The following NR2C2 variants were observed in gnomAD, a reference collection of about 807,000 sequenced individuals.
NR2C2 encodes nuclear receptor subfamily 2 group C member 2.
NR2C2 carries 6 observed loss-of-function variants against 62.9 expected under a neutral mutation model. The ratio of observed to expected loss-of-function variants is 0.10; its 90% CI spans 0.05 to 0.19. The LOEUF (loss-of-function observed/expected upper bound fraction) is 0.19. Ranked by LOEUF, NR2C2 falls within the 10% of genes least tolerant of loss-of-function variation. The probability of loss-of-function intolerance (pLI) is 1.00; values close to 1 mark genes in which losing one functional copy is unlikely to be tolerated. For missense variants in NR2C2, 479 were observed against 762.7 expected (o/e 0.63, Z 4.38); for synonymous variants, 272 against 273.8 (o/e 0.99, Z 0.07).
intron 1 of NR2C2, among the ~76,000 whole-genome samples, chr3:15,001,184 GTTAAATTTAT>G (rs1040848929): frequency 6.6e-6 from 1 of 151,738 alleles, no homozygotes; most frequent in Admixed American, 6.6e-5. Context: ...CATTTCTTTT[GTTAAATTTAT>G]TTTATTTCTA....
At position 14,968,906 on chromosome 3, in the gene NR2C2, A is replaced by G. The variant is rs574666549; in HGVS notation, c.-40+21000A>G. 3.2e-3 allele frequency among the ~76,000 whole-genome samples: 469 copies of G among 147,430 alleles called. 3 individuals carry two copies. The highest frequency in any genetic ancestry group is 0.011 in the African/African-American group (423 of 39,794). ...AAGAACAAAAAACCAAACACCGCATATTCTCACTCATAGGTGGGAATTGAA... is the reference window on the plus strand; with the variant it reads ...AAGAACAAAAAACCAAACACCGCATGTTCTCACTCATAGGTGGGAATTGAA... On this transcript the variant is annotated intron_variant, in intron 1 of 13. Transcript: ENST00000425241.
At chr3:15,010,983 T>G (rs1209323030) in intron 2 of NR2C2, among the ~76,000 whole-genome samples, 1 of 152,168 alleles carries the variant, frequency 6.6e-6, no homozygotes, top group Non-Finnish European at 1.5e-5. Flanking sequence ...TGAAGACCCC[T>G]CTCAATCACA....
intron 1 of NR2C2, among the ~76,000 whole-genome samples, chr3:15,003,350 AATTTCAGACCCTG>A (rs1255752486): frequency 1.3e-5 from 2 of 152,046 alleles, no homozygotes; most frequent in Non-Finnish European, 2.9e-5. Flanking sequence ...GTATTGACTA[AATTTCAGACCCTG>A]TGGTCCTGAC....
intron 1 of NR2C2, among the ~76,000 whole-genome samples, chr3:14,984,044 A>G (rs1322424027): frequency 6.6e-6 from 1 of 151,970 alleles, no homozygotes; most frequent in Admixed American, 6.6e-5. Flanking sequence ...ATGAGCCACC[A>G]CGCCTGGCTA....
At chr3:15,041,407 C>A (rs933923590) in intron 13 of NR2C2, among the ~76,000 whole-genome samples, 3 of 152,108 alleles carry the variant, frequency 2.0e-5, no homozygotes, top group Non-Finnish European at 4.4e-5. Context: ...TGGAGCACAG[C>A]GACTCATTGT....
chr3:15,047,061 T>A lies in NR2C2; in HGVS notation c.*4053T>A, dbSNP rs1306350798. The A allele has an allele frequency of 6.6e-6, 1 of 152,642 alleles. No individual in the cohort carries two copies. Among genetic ancestry groups the A allele is most frequent in the Admixed American group, 6.5e-5 (1 of 15,286 alleles). 9.5% of individuals were successfully genotyped at this position (152,642 alleles called of 1,614,324 possible). ...GGCTGTAAGACTGAATGAATGTACA[T>A]GTGTTTATATCCTCTCCATATGTAC... is the stretch of plus-strand genomic sequence containing the variant. On this transcript the variant is annotated 3_prime_UTR_variant, in exon 14 of 14. Coordinates refer to ENST00000425241, the MANE Select transcript of NR2C2 (RefSeq NM_001291694.2).
At chr3:15,018,752 C>T (rs1018149710) in intron 4 of NR2C2, among the ~76,000 whole-genome samples, 2 of 152,026 alleles carry the variant, frequency 1.3e-5, no homozygotes, top group African/African-American at 4.8e-5. Context: ...TGCGGTGTCT[C>T]ACATCTGTAA....
At chr3:15,006,925 G>A (rs1244929940) in intron 2 of NR2C2, among the ~76,000 whole-genome samples, 13 of 151,550 alleles carry the variant, frequency 8.6e-5, no homozygotes, top group East Asian at 7.8e-4. Flanking sequence ...ACAGACATGC[G>A]CCACCACGCC....
At chr3:15,013,875 A>C (rs2041426224) in intron 3 of NR2C2, 86 bp downstream of exon 3, 4 of 1,404,844 alleles carry the variant, frequency 2.8e-6, no homozygotes, top group Admixed American at 1.8e-5. Flanking sequence ...TTCGAGGCCA[A>C]ATCCATCCCT....
chr3:14,998,205 G>A (rs574234485), intron 1 of NR2C2, among the ~76,000 whole-genome samples: 3 of 152,224 alleles, frequency 2.0e-5, no homozygotes, highest in East Asian at 1.9e-4. Flanking sequence ...CTTTTTGCCT[G>A]TTATCACTAA....
Position 15,047,864 on chromosome 3 carries a change from T to G in NR2C2, c.*4856T>G, listed in dbSNP as rs890212510. 1.2e-4 allele frequency: 18 copies of G among 152,246 alleles called. No homozygotes were observed. The highest frequency in any genetic ancestry group is 4.3e-4 in the African/African-American group (18 of 41,466). 9.4% of individuals were successfully genotyped at this position (152,246 alleles called of 1,614,324 possible). A position where few individuals can be genotyped will look rare whatever the true frequency, so the allele number is the denominator to read the frequency against. On this transcript the variant is annotated 3_prime_UTR_variant, in exon 14 of 14. Coordinates refer to ENST00000425241, the MANE Select transcript of NR2C2 (RefSeq NM_001291694.2). ...TAAGTTATGATTTTAAATTTTCAGA[T>G]AAGAATTGCATTTTAATATGGATAT...
At chr3:14,974,464 A>T (rs1200198129) in intron 1 of NR2C2, among the ~76,000 whole-genome samples, 2 of 152,190 alleles carry the variant, frequency 1.3e-5, no homozygotes, top group African/African-American at 2.4e-5. Flanking sequence ...GAGTTTGTAG[A>T]TGGCTTTGGA....
rs533362245 is a variant in NR2C2 at position 14,999,497 on chromosome 3, A to C, written c.-39-4379A>C. On this transcript the variant is annotated intron_variant, in intron 1 of 13. Coordinates refer to ENST00000425241, the MANE Select transcript of NR2C2 (RefSeq NM_001291694.2). ...CAGAGTAAGAGATCTTGTCCCCCCC[A>C]AAAAAAAAGTTTCTAGTTTTAATGA... is the stretch of plus-strand genomic sequence containing the variant. 1.4e-3 allele frequency among the ~76,000 whole-genome samples: 215 copies of C among 151,350 alleles called. 7 individuals are homozygous for C. The highest frequency in any genetic ancestry group is 0.013 in the South Asian group (62 of 4,790).
At chr3:15,030,552 G>A (rs1413164282) in intron 9 of NR2C2, 100 bp downstream of exon 9, 21 of 1,238,980 alleles carry the variant, frequency 1.7e-5, no homozygotes, top group Non-Finnish European at 2.3e-5. Context: ...TTGGGGCCAG[G>A]CATAGTGGCT....
At chr3:15,004,425 T>TA in intron 2 of NR2C2, 1 of 782,476 alleles carries the variant, frequency 1.3e-6, no homozygotes, top group South Asian at 3.0e-5. Flanking sequence ...ATCAAAGGGA[T>TA]ATTGCTTATA....
At position 15,028,727 on chromosome 3, in the gene NR2C2, C is replaced by T; in HGVS notation, c.932+8C>T. 6.2e-7 allele frequency: 1 copy of T among 1,613,090 alleles called. No homozygotes were observed. The highest frequency in any genetic ancestry group is 8.5e-7 in the Non-Finnish European group (1 of 1,179,182). On this transcript the variant is annotated splice_region_variant and intron_variant, in intron 8 of 13. Coordinates refer to ENST00000425241, the MANE Select transcript of NR2C2 (RefSeq NM_001291694.2). ...TGCAAGTGAGATAACTCGGTACGAG[C>T]CCATGAGGATGGAGTCTCCCCTCCT...
chr3:14,960,430 C>T (rs543278258), intron 1 of NR2C2, among the ~76,000 whole-genome samples: 12 of 152,206 alleles, frequency 7.9e-5, no homozygotes, highest in Admixed American at 3.3e-4. Flanking sequence ...ATTGATCCTG[C>T]AAATTTAAAG....
chr3:15,032,052 G>A (rs944078208), intron 9 of NR2C2, among the ~76,000 whole-genome samples: 4 of 152,116 alleles, frequency 2.6e-5, no homozygotes, highest in Non-Finnish European at 5.9e-5. Context: ...ATTTAATTTA[G>A]ACCTTAACCT....
chr3:15,023,965 T>C, intron 6 of NR2C2, 150 bp from the exon 7 acceptor site: 1 of 632,288 alleles, frequency 1.6e-6, no homozygotes, highest in South Asian at 1.9e-5. Flanking sequence ...GGGGTGGGGG[T>C]TCTGCTTAGT....
Sources: gnomAD v4.1 joint callset for allele counts (sites outside exome capture counted in the v4.1 genomes callset) on GRCh38, gnomAD v4.1.1 for gene constraint, MANE v1.5 for transcripts, NCBI Gene and HGNC (gene_info 2026-07-23, HGNC 2026-07-21) for gene names.